TEK: variants seen among roughly 807,000 people sequenced by gnomAD.
The protein encoded by TEK is angiopoietin-1 receptor.
In TEK, 43 loss-of-function variants were observed where a neutral mutation model predicts 131.8. That is an observed-to-expected ratio of 0.33 (90% CI 0.26 to 0.42). The LOEUF is 0.42. Ranked by LOEUF, TEK falls within the 10% of genes least tolerant of loss-of-function variation. TEK has a pLI of 1.00. For synonymous variants in TEK, 580 were observed against 491.6 expected, an observed-to-expected ratio of 1.18 and a Z score of -2.38; for missense variants, 1,162 against 1,384.4, an observed-to-expected ratio of 0.84 and a Z score of 2.55.
At position 27,212,916 on chromosome 9, in the gene TEK, G is replaced by A. The variant is rs373165107; in HGVS notation, c.2877+19G>A. On this transcript the variant is annotated intron_variant, in intron 17 of 22. Coordinates refer to ENST00000380036, the MANE Select transcript of TEK (RefSeq NM_000459.5). ...AAAACAGGTTTGTCCGGAGGACTTC[G>A]CTTTGGATATCTTTCCTGTGGAGTT... The A allele has an allele frequency of 3.1e-6, 5 of 1,611,872 alleles. No homozygotes were observed. The highest frequency in any genetic ancestry group is 4.2e-6 in the Non-Finnish European group (5 of 1,179,628).
At chr9:27,157,395 C>T (rs887118336) in intron 1 of TEK, among the ~76,000 whole-genome samples, 1 of 152,126 alleles carries the variant, frequency 6.6e-6, no homozygotes, top group Non-Finnish European at 1.5e-5. Flanking sequence ...ATCTATAAGG[C>T]ATAAGTTTAT....
At position 27,223,719 on chromosome 9, in the gene TEK, A is replaced by C. The variant is rs191047815; in HGVS notation, c.3200+3574A>C. On this transcript the variant is annotated intron_variant, in intron 21 of 22. Transcript: ENST00000380036. The stretch of plus-strand genomic sequence containing the variant: ...CACAATTAAAAGAACTAGAGAAGCA[A>C]CAGCAAACAAATGCAAAAACTAGCA... Among the ~76,000 whole-genome samples, 11 of 152,360 alleles carry C rather than the reference A, an allele frequency of 7.2e-5. No homozygotes were observed. In the East Asian group the frequency reaches 2.1e-3, roughly 29 times the overall value.
At chr9:27,211,749 T>A (rs973240528) in intron 16 of TEK, among the ~76,000 whole-genome samples, 3 of 152,084 alleles carry the variant, frequency 2.0e-5, no homozygotes, top group Non-Finnish European at 4.4e-5. Flanking sequence ...GGATTACAAG[T>A]GTGAGCCACT....
intron 16 of TEK, chr9:27,210,503 G>A (rs934120354): frequency 5.6e-6 from 1 of 180,136 alleles, no homozygotes; most frequent in African/African-American, 2.4e-5. Context: ...CTACAAAGAA[G>A]ACTGTGCTGA....
intron 19 of TEK, 49 bp downstream of exon 19, chr9:27,217,807 A>G (rs544219418): frequency 1.8e-5 from 28 of 1,525,684 alleles, no homozygotes; most frequent in South Asian, 2.2e-5. Context: ...TCCCAGAAAC[A>G]TATACATTTG....
chr9:27,186,860 G>A (rs912120103), intron 9 of TEK, among the ~76,000 whole-genome samples: 7 of 152,110 alleles, frequency 4.6e-5, no homozygotes, highest in Non-Finnish European at 1.0e-4. Context: ...CAACAGTAGC[G>A]TAAATGCAAC....
At chr9:27,206,198 G>GC (rs1216015781) in intron 14 of TEK, among the ~76,000 whole-genome samples, 1 of 152,218 alleles carries the variant, frequency 6.6e-6, no homozygotes, top group Non-Finnish European at 1.5e-5. Context: ...TCCTGTGGCT[G>GC]CCCCACATAG....
chr9:27,119,691 C>T (rs1471422713), intron 1 of TEK, among the ~76,000 whole-genome samples: 2 of 152,194 alleles, frequency 1.3e-5, no homozygotes, highest in East Asian at 1.9e-4. Context: ...TTCCTGCCAG[C>T]CCCCAGTTTC....
At chr9:27,159,575 G>A (rs1034374099) in intron 2 of TEK, among the ~76,000 whole-genome samples, 1 of 152,192 alleles carries the variant, frequency 6.6e-6, no homozygotes, top group Non-Finnish European at 1.5e-5. Context: ...GATTTTGAAA[G>A]CCTCCTCTAA....
intron 1 of TEK, among the ~76,000 whole-genome samples, chr9:27,120,681 G>C (rs947477967): frequency 1.3e-5 from 2 of 152,194 alleles, no homozygotes; most frequent in African/African-American, 4.8e-5. Flanking sequence ...TTTGTTCAAG[G>C]GTTATGTAGA....
At chr9:27,218,292 G>C (rs940881437) in intron 19 of TEK, among the ~76,000 whole-genome samples, 6 of 152,012 alleles carry the variant, frequency 3.9e-5, no homozygotes, top group African/African-American at 9.7e-5. Flanking sequence ...TTTTGCTGAT[G>C]TCTGGGCATG....
At chr9:27,168,100 C>T (rs1350944521) in intron 2 of TEK, among the ~76,000 whole-genome samples, 1 of 152,072 alleles carries the variant, frequency 6.6e-6, no homozygotes, top group East Asian at 1.9e-4. Flanking sequence ...GATTTGGGAT[C>T]CTTAGCTGGC....
chr9:27,203,035 C>G lies in TEK; in HGVS notation c.2125C>G (p.Gln709Glu). The change falls in exon 13 of 23, where the codon CAG becomes GAG. Residue 709 changes from glutamine (Q) to glutamate (E), a missense_variant. By Grantham distance (29) the Gln-to-Glu change is conservative (BLOSUM62 2). Coordinates refer to ENST00000380036, the MANE Select transcript of TEK (RefSeq NM_000459.5). ...LKGLEPETAY[Q>E]VDIFAENNIG... ...GGGCCTAGAGCCTGAAACAGCATAC[C>G]AGGTGGACATTTTTGCAGAGAACAA... 6.2e-7 allele frequency: 1 copy of G among 1,614,084 alleles called. No individual in the cohort carries two copies. The highest frequency in any genetic ancestry group is 2.2e-5 in the East Asian group (1 of 44,878).
rs539414521 is a variant in TEK at position 27,226,773 on chromosome 9, A to C, written c.3201-1433A>C. Among the ~76,000 whole-genome samples the C allele has an allele frequency of 2.2e-3, 335 of 152,298 alleles. 1 individual carries two copies. The highest frequency in any genetic ancestry group is 7.8e-3 in the African/African-American group (325 of 41,574). On this transcript the variant is annotated intron_variant, in intron 21 of 22. Transcript: ENST00000380036. ...CTTGCCTAGAACCTTGCTTCTGCTA[A>C]GATTACTTTCAAAAGTAAGATTTAT...
intron 1 of TEK, among the ~76,000 whole-genome samples, chr9:27,149,665 G>A (rs185273135): frequency 2.0e-5 from 3 of 152,290 alleles, no homozygotes; most frequent in Non-Finnish European, 2.9e-5. Context: ...AGGCAAGTCA[G>A]TCAAATTGCC....
intron 2 of TEK, among the ~76,000 whole-genome samples, chr9:27,166,817 G>A (rs1823748175): frequency 1.3e-5 from 2 of 152,110 alleles, no homozygotes; most frequent in Non-Finnish European, 2.9e-5. Context: ...TTTGATGTGA[G>A]CTCCTGTCTT....
intron 20 of TEK, among the ~76,000 whole-genome samples, chr9:27,219,691 T>C (rs1825975230): frequency 6.6e-6 from 1 of 151,946 alleles, no homozygotes; most frequent in African/African-American, 2.4e-5. Context: ...CTATCATTGA[T>C]AAAATATGAG....
intron 1 of TEK, among the ~76,000 whole-genome samples, chr9:27,154,231 T>C (rs577791482): frequency 6.6e-6 from 1 of 152,150 alleles, no homozygotes; most frequent in Non-Finnish European, 1.5e-5. Flanking sequence ...GTCTGTTACA[T>C]AGGTATACAC....
At chr9:27,212,622 T>A (rs1825677670) in intron 16 of TEK, 85 bp from the exon 17 acceptor site, 1 of 1,473,606 alleles carries the variant, frequency 6.8e-7, no homozygotes, top group African/African-American at 1.4e-5. Flanking sequence ...AAATGGAGTT[T>A]ATAGGCAATT....
Sources: allele counts gnomAD v4.1 joint callset (sites outside exome capture counted in the v4.1 genomes callset), GRCh38; gene constraint gnomAD v4.1.1; transcripts MANE v1.5; gene names NCBI Gene and HGNC (gene_info 2026-07-23, HGNC 2026-07-21).